XYLT1: variants seen among roughly 807,000 people sequenced by gnomAD.
XYLT1 encodes the protein beta-D-xylosyltransferase 1.
A neutral mutation model predicts 91.3 loss-of-function variants in XYLT1; 36 were observed. The observed-to-expected ratio is 0.39, with a 90% CI of 0.30 to 0.52. XYLT1 has a LOEUF of 0.52. Ranked by LOEUF, XYLT1 falls within the 20% of genes least tolerant of loss-of-function variation. The pLI, the probability that XYLT1 is intolerant of heterozygous loss-of-function variation, is 0.68. For missense variants in XYLT1, 1,242 were observed against 1,284.5 expected (o/e 0.97, Z 0.51); for synonymous variants, 588 against 532.0 (o/e 1.11, Z -1.45).
intron 3 of XYLT1, among the ~76,000 whole-genome samples, chr16:17,237,780 T>G (rs1257145370): frequency 6.6e-6 from 1 of 152,210 alleles, no homozygotes; most frequent in East Asian, 1.9e-4. Flanking sequence ...CTCGGGTCAC[T>G]TGGGTGACAC....
chr16:17,217,755 C>T (rs1013863143), intron 3 of XYLT1, among the ~76,000 whole-genome samples: 10 of 152,046 alleles, frequency 6.6e-5, no homozygotes, highest in African/African-American at 2.4e-4. Context: ...ATGAAAAGTA[C>T]GGGCGGCCAG....
intron 10 of XYLT1, among the ~76,000 whole-genome samples, chr16:17,125,635 G>A (rs897446086): frequency 1.3e-5 from 2 of 152,088 alleles, no homozygotes; most frequent in African/African-American, 4.8e-5. Flanking sequence ...AGCCTTCCTA[G>A]ATGAATCAAT....
At position 17,470,760 on chromosome 16, in the gene XYLT1, G is replaced by T. The variant is rs1466520413; in HGVS notation, c.37C>A (p.Arg13Ser). 1.8e-6 allele frequency: 2 copies of T among 1,081,410 alleles called. No individual in the cohort carries two copies. Among genetic ancestry groups the T allele is most frequent in the Non-Finnish European group, 2.3e-6 (2 of 885,074 alleles). 67.0% of individuals were successfully genotyped at this position (1,081,410 alleles called of 1,614,324 possible). ...AAPCARRLAR[R>S]SHSALLAALT... ...GCCGCGAGCAGCGCCGAGTGCGAGCGCCGGGCCAGCCTCCGGGCGCACGGC... is the reference window on the plus strand; with the variant it reads ...GCCGCGAGCAGCGCCGAGTGCGAGCTCCGGGCCAGCCTCCGGGCGCACGGC... The change falls in exon 1 of 12, where the codon CGC (arginine) becomes AGC (serine). Residue 13 changes from arginine to serine, a missense_variant. By Grantham distance (110) the Arg-to-Ser change is moderately radical. Coordinates refer to ENST00000261381, the MANE Select transcript of XYLT1 (RefSeq NM_022166.4).
chr16:17,344,291 G>C (rs535219706), intron 2 of XYLT1, among the ~76,000 whole-genome samples: 1 of 150,374 alleles, frequency 6.7e-6, no homozygotes, highest in East Asian at 2.0e-4. Flanking sequence ...GACCATCCTG[G>C]CTAACACGGT....
At position 17,282,585 on chromosome 16, in the gene XYLT1, C is replaced by T. The variant is rs1694236133; in HGVS notation, c.403-23087G>A. On this transcript the variant is annotated intron_variant, in intron 2 of 11. Transcript: ENST00000261381. ...GGCCCAGTTCTAGGAAGGGCACCGG[C>T]ATTTCTGCCATTAATTGATGCACTG... 2.0e-5 allele frequency among the ~76,000 whole-genome samples: 3 copies of T among 152,318 alleles called. No homozygotes were observed. The South Asian group carries it at 6.2e-4, about 32-fold the overall frequency.
intron 1 of XYLT1, among the ~76,000 whole-genome samples, chr16:17,410,485 G>A (rs1347193968): frequency 1.3e-5 from 2 of 152,038 alleles, no homozygotes; most frequent in Non-Finnish European, 2.9e-5. Context: ...CAGATCTCAT[G>A]AGACTCATTC....
In XYLT1 at chr16:17,210,767, G is replaced by A. The variant is rs149705666; in HGVS notation, c.914-10113C>T. Among the ~76,000 whole-genome samples, 172 of 152,248 alleles carry A rather than the reference G, an allele frequency of 1.1e-3. 1 individual carries two copies. The East Asian group carries it at 0.029, about 25-fold the overall frequency. ...AGAGGATTCACATGCTGCTCACATC[G>A]AATGGCATTGAGTCAGGGGGGACTG... On this transcript the variant is annotated intron_variant, in intron 3 of 11. Coordinates refer to ENST00000261381, the MANE Select transcript of XYLT1 (RefSeq NM_022166.4).
intron 5 of XYLT1, 180 bp downstream of exon 5, chr16:17,198,032 T>C: frequency 1.5e-6 from 1 of 677,630 alleles, no homozygotes; most frequent in South Asian, 1.9e-5. Flanking sequence ...AGTCTCTATC[T>C]GTTGAATGCA....
At chr16:17,420,218 CTAGAGT>C (rs2036234723) in intron 1 of XYLT1, among the ~76,000 whole-genome samples, 1 of 152,028 alleles carries the variant, frequency 6.6e-6, no homozygotes, top group Non-Finnish European at 1.5e-5. Context: ...CTAGGTAATG[CTAGAGT>C]TATACACATA....
rs150357407 is a variant in XYLT1 at position 17,288,470 on chromosome 16, T to C, written c.403-28972A>G. On this transcript the variant is annotated intron_variant, in intron 2 of 11. Transcript: ENST00000261381. ...TTTGTTCTTCTTGGGGCTTGTCTTA[T>C]TATGCTTATTGTAGACCGACTGTAC... 1.4e-3 allele frequency among the ~76,000 whole-genome samples: 213 copies of C among 152,268 alleles called. 1 individual carries two copies. Among genetic ancestry groups the C allele is most frequent in the African/African-American group, 4.7e-3 (196 of 41,556 alleles).
intron 5 of XYLT1, among the ~76,000 whole-genome samples, chr16:17,188,871 C>A (rs781630574): frequency 3.9e-5 from 6 of 152,168 alleles, no homozygotes; most frequent in Non-Finnish European, 7.3e-5. Context: ...CTGCTGTGTG[C>A]AACTTCACAC....
At chr16:17,352,277 C>A (rs2035233268) in intron 2 of XYLT1, among the ~76,000 whole-genome samples, 1 of 152,152 alleles carries the variant, frequency 6.6e-6, no homozygotes, top group Non-Finnish European at 1.5e-5. Flanking sequence ...CAGACATCAG[C>A]CCCCAGCTCA....
At chr16:17,388,319 C>T (rs1022680460) in intron 1 of XYLT1, among the ~76,000 whole-genome samples, 3 of 152,126 alleles carry the variant, frequency 2.0e-5, no homozygotes, top group African/African-American at 4.8e-5. Context: ...TTTGCACCAA[C>T]GTAAAGTTGT....
In XYLT1 at chr16:17,143,853, T is replaced by A. The variant is rs190752248; in HGVS notation, c.1371-2484A>T. ...ACCACCATCGTCATCATCACCATCA[T>A]CATCACAATTTCCATTATCACCACT... On this transcript the variant is annotated intron_variant, in intron 6 of 11. Transcript: ENST00000261381. Among the ~76,000 whole-genome samples, 365 of 148,140 alleles carry A rather than the reference T, an allele frequency of 2.5e-3. 2 individuals carry two copies. Among genetic ancestry groups the A allele is most frequent in the South Asian group, 2.3e-3 (11 of 4,712 alleles).
At chr16:17,116,806 G>A (rs570732828) in intron 11 of XYLT1, among the ~76,000 whole-genome samples, 43 of 152,318 alleles carry the variant, frequency 2.8e-4, no homozygotes, top group African/African-American at 1.0e-3. Flanking sequence ...AGTAACACAG[G>A]TTCTTATCTG....
intron 2 of XYLT1, among the ~76,000 whole-genome samples, chr16:17,330,940 G>A (rs945531631): frequency 6.6e-6 from 1 of 152,292 alleles, no homozygotes; most frequent in Middle Eastern, 3.4e-3. Context: ...GCTGAGATGA[G>A]GTTCTACCTT....
intron 3 of XYLT1, among the ~76,000 whole-genome samples, chr16:17,228,768 C>A (rs767871393): frequency 8.5e-5 from 13 of 152,144 alleles, no homozygotes; most frequent in Non-Finnish European, 1.8e-4. Flanking sequence ...GAACAACAAT[C>A]ATTTTTACAT....
chr16:17,113,427 G>A (rs1966846196), intron 11 of XYLT1, among the ~76,000 whole-genome samples: 1 of 152,224 alleles, frequency 6.6e-6, no homozygotes, highest in Non-Finnish European at 1.5e-5. Context: ...TCAGGCGTGA[G>A]CCACTGCACC....
intron 1 of XYLT1, among the ~76,000 whole-genome samples, chr16:17,377,181 A>ACACACACACACACACACACC (rs1567400186): frequency 6.6e-6 from 1 of 152,124 alleles, no homozygotes; most frequent in African/African-American, 2.4e-5. Flanking sequence ...TGCCTCACAC[A>ACACACACACACACACACACC]CACACACAAA....
Sources: allele counts gnomAD v4.1 joint callset (sites outside exome capture counted in the v4.1 genomes callset), GRCh38; gene constraint gnomAD v4.1.1; transcripts MANE v1.5; gene names NCBI Gene and HGNC (gene_info 2026-07-23, HGNC 2026-07-21).